VPS13B: variants seen among roughly 807,000 people sequenced by gnomAD.
The protein encoded by VPS13B is intermembrane lipid transfer protein VPS13B.
VPS13B carries 285 observed loss-of-function variants against 426.4 expected under a neutral mutation model. The ratio of observed to expected loss-of-function variants is 0.67; its 90% CI spans 0.61 to 0.74. The LOEUF (loss-of-function observed/expected upper bound fraction) is 0.74. Among genes scored for constraint, VPS13B ranks in the 30% least tolerant of loss-of-function variants. The probability of loss-of-function intolerance (pLI) is 0.00; values close to 1 mark genes in which losing one functional copy is unlikely to be tolerated. For missense variants in VPS13B, 4,537 were observed against 4,782.6 expected (o/e 0.95, Z 1.51); for synonymous variants, 1,676 against 1,676.4 (o/e 1.00, Z 0.01).
chr8:99,512,764 C>G (rs1260843926), intron 29 of VPS13B, among the ~76,000 whole-genome samples: 1 of 152,090 alleles, frequency 6.6e-6, no homozygotes, highest in Admixed American at 6.5e-5. Flanking sequence ...AATCCCAACA[C>G]TTTGGGAGGC....
chr8:99,687,131 C>T (rs1177731443), intron 35 of VPS13B, among the ~76,000 whole-genome samples: 1 of 151,952 alleles, frequency 6.6e-6, no homozygotes, highest in Admixed American at 6.6e-5. Context: ...CCCTTCTGGC[C>T]CAAGGTGTGT....
At chr8:99,687,122 C>T (rs1357232304) in intron 35 of VPS13B, among the ~76,000 whole-genome samples, 1 of 152,048 alleles carries the variant, frequency 6.6e-6, no homozygotes. Context: ...GGCACGGTTC[C>T]CTTCTGGCCC....
chr8:99,302,971 CT>C (rs1820443269), intron 19 of VPS13B, among the ~76,000 whole-genome samples: 1 of 151,950 alleles, frequency 6.6e-6, no homozygotes, highest in Admixed American at 6.6e-5. Flanking sequence ...AAATGTCTGT[CT>C]TTGTTGTTTA....
intron 17 of VPS13B, among the ~76,000 whole-genome samples, chr8:99,199,762 A>G (rs1287862761): frequency 6.6e-6 from 1 of 152,152 alleles, no homozygotes; most frequent in Non-Finnish European, 1.5e-5. Flanking sequence ...GTACTTCAGA[A>G]AAATTACGTT....
chr8:99,270,372 C>G (rs2132980637), intron 17 of VPS13B, among the ~76,000 whole-genome samples: 1 of 151,780 alleles, frequency 6.6e-6, no homozygotes, highest in Non-Finnish European at 1.5e-5. Flanking sequence ...CTCCTGACCT[C>G]AAGTGATCCT....
chr8:99,244,137 A>G (rs1817077493), intron 17 of VPS13B, among the ~76,000 whole-genome samples: 1 of 152,170 alleles, frequency 6.6e-6, no homozygotes. Flanking sequence ...AACAATGAAC[A>G]TTATAAATCT....
chr8:99,147,411 AT>A (rs1345042688), intron 13 of VPS13B, among the ~76,000 whole-genome samples: 2 of 152,092 alleles, frequency 1.3e-5, no homozygotes, highest in Non-Finnish European at 2.9e-5. Context: ...TTTCTTAACA[AT>A]TTTTAGGAGT....
chr8:99,229,786 A>G (rs571035364), intron 17 of VPS13B, among the ~76,000 whole-genome samples: 2 of 152,352 alleles, frequency 1.3e-5, no homozygotes, highest in Non-Finnish European at 2.9e-5. Context: ...CTTGCAAGCC[A>G]CAGTAAGAAT....
chr8:99,340,360 T>G (rs1811174928), intron 19 of VPS13B: 2 of 402,790 alleles, frequency 5.0e-6, no homozygotes, highest in Non-Finnish European at 9.7e-6. Flanking sequence ...GGCAGCAACA[T>G]AAGCCAACTC....
intron 19 of VPS13B, among the ~76,000 whole-genome samples, chr8:99,280,535 A>AAATG (rs1274447957): frequency 6.6e-6 from 1 of 152,210 alleles, no homozygotes; most frequent in Non-Finnish European, 1.5e-5. Context: ...ATGAATGAAT[A>AAATG]AATGAATGAA....
At chr8:99,701,378 C>T (rs1050441351) in intron 36 of VPS13B, among the ~76,000 whole-genome samples, 5 of 152,150 alleles carry the variant, frequency 3.3e-5, no homozygotes, top group African/African-American at 4.8e-5. Context: ...AGAATTTAAA[C>T]GTACTATACT....
At chr8:99,811,299 C>T (rs117009523) in intron 44 of VPS13B, among the ~76,000 whole-genome samples, 2 of 152,260 alleles carry the variant, frequency 1.3e-5, no homozygotes, top group African/African-American at 2.4e-5. Flanking sequence ...ATACAACAAG[C>T]GCAAAACTTG....
At chr8:99,691,004 T>A (rs148076131) in intron 35 of VPS13B, among the ~76,000 whole-genome samples, 1 of 152,348 alleles carries the variant, frequency 6.6e-6, no homozygotes, top group Non-Finnish European at 1.5e-5. Flanking sequence ...TGATATATGC[T>A]TATGTTGTAA....
chr8:99,028,384 C>A (rs1250127756), intron 2 of VPS13B, among the ~76,000 whole-genome samples: 1 of 144,562 alleles, frequency 6.9e-6, no homozygotes, highest in Non-Finnish European at 1.5e-5. Flanking sequence ...GCTGGCCGGG[C>A]GGGGGGCTGA....
At chr8:99,801,634 A>G (rs1413280477) in intron 43 of VPS13B, among the ~76,000 whole-genome samples, 1 of 152,160 alleles carries the variant, frequency 6.6e-6, no homozygotes, top group African/African-American at 2.4e-5. Context: ...TCTCTGGTCC[A>G]ACTTTTAACT....
intron 39 of VPS13B, among the ~76,000 whole-genome samples, chr8:99,744,728 C>A (rs1214419198): frequency 6.6e-6 from 1 of 151,800 alleles, no homozygotes; most frequent in Admixed American, 6.6e-5. Flanking sequence ...GAACAAAAAA[C>A]CAAACACTGC....
intron 10 of VPS13B, 126 bp from the exon 11 acceptor site, chr8:99,135,470 T>C: frequency 7.9e-7 from 1 of 1,270,482 alleles, no homozygotes; most frequent in Non-Finnish European, 1.1e-6. Flanking sequence ...AGCAGCAGCA[T>C]TCCTTATCTT....
chr8:99,641,186 CT>C (rs1829342710), intron 33 of VPS13B, among the ~76,000 whole-genome samples: 1 of 152,250 alleles, frequency 6.6e-6, no homozygotes, highest in South Asian at 2.1e-4. Flanking sequence ...TAATAACTGA[CT>C]TGATTTTACT....
chr8:99,411,731 T>A (rs776482240), intron 21 of VPS13B, among the ~76,000 whole-genome samples: 2 of 152,224 alleles, frequency 1.3e-5, no homozygotes, highest in African/African-American at 4.8e-5. Flanking sequence ...CTTGAGTTAA[T>A]TTTTGTATAA....
Sources: gnomAD v4.1 joint callset for allele counts (sites outside exome capture counted in the v4.1 genomes callset) on GRCh38, gnomAD v4.1.1 for gene constraint, MANE v1.5 for transcripts, NCBI Gene and HGNC (gene_info 2026-07-23, HGNC 2026-07-21) for gene names.